PTPRN2: variants seen among roughly 807,000 people sequenced by gnomAD.
PTPRN2 encodes the protein receptor-type tyrosine-protein phosphatase N2.
A neutral mutation model predicts 118.8 loss-of-function variants in PTPRN2; 74 were observed. The observed-to-expected ratio is 0.62, with a 90% CI of 0.52 to 0.76. The LOEUF (loss-of-function observed/expected upper bound fraction) is 0.76, where lower values mean the gene tolerates loss of function less well. PTPRN2 is among the 30% of genes least tolerant of loss of function. PTPRN2 has a pLI of 0.00. For missense variants in PTPRN2, 1,481 were observed against 1,394.4 expected (o/e 1.06, Z -0.99); for synonymous variants, 641 against 608.0 (o/e 1.05, Z -0.80).
At position 158,317,524 on chromosome 7, in the gene PTPRN2, T is replaced by G. The variant is rs570846367; in HGVS notation, c.164-592A>C. Among the ~76,000 whole-genome samples the G allele has an allele frequency of 6.8e-4, 104 of 152,370 alleles. No individual in the cohort carries two copies. In the South Asian group the frequency reaches 9.1e-3, roughly 13 times the overall value. Reference sequence around the variant, plus strand: ...TCCATTTGTCTGAAATGGCAGACTCTGCTCATCAACATCCTTTCCAACCAC... The same window carrying G: ...TCCATTTGTCTGAAATGGCAGACTCGGCTCATCAACATCCTTTCCAACCAC... On this transcript the variant is annotated intron_variant, in intron 2 of 22. Transcript: ENST00000389418.
intron 2 of PTPRN2, among the ~76,000 whole-genome samples, chr7:158,341,417 T>A (rs1385324512): frequency 6.9e-6 from 1 of 145,888 alleles, no homozygotes; most frequent in African/African-American, 2.6e-5. Flanking sequence ...CCCGCAGAGG[T>A]CACTCACACC....
chr7:158,169,033 C>T (rs1485912342), intron 5 of PTPRN2, among the ~76,000 whole-genome samples: 1 of 152,174 alleles, frequency 6.6e-6, no homozygotes, highest in Non-Finnish European at 1.5e-5. Context: ...CTACTTGCAC[C>T]TCCTTGGGGC....
At chr7:157,836,922 C>T (rs1360192890) in intron 12 of PTPRN2, among the ~76,000 whole-genome samples, 1 of 151,484 alleles carries the variant, frequency 6.6e-6, no homozygotes, top group Admixed American at 6.6e-5. Flanking sequence ...ACCCTGCACT[C>T]ACCACCACCT....
rs756980461 is a variant in PTPRN2 at position 158,316,848 on chromosome 7, C to T, written c.248G>A (p.Arg83His). The change falls in exon 3 of 23, where the codon CGC becomes CAC. Residue 83 changes from arginine (R) to histidine (H), a missense_variant. By Grantham distance (29) the Arg-to-His change is conservative. Transcript: ENST00000389418. ...GCCGGAAAGCTTCTGCAACGCCACG[C>T]GCAGGCGCTGCAGGGCCACGGGCGA... ...EVSPVALQRL[R>H]VALQKLSGTG... 33 of 1,609,002 alleles carry T rather than the reference C, an allele frequency of 2.1e-5. No homozygotes were observed. In the Middle Eastern group the frequency reaches 4.9e-4, roughly 24 times the overall value.
intron 1 of PTPRN2, among the ~76,000 whole-genome samples, chr7:158,492,596 T>C (rs1029713884): frequency 2.6e-5 from 4 of 152,182 alleles, no homozygotes; most frequent in African/African-American, 9.7e-5. Context: ...CAGCACTCCT[T>C]GGTGAGAGGC....
At chr7:157,735,806 G>A (rs1563054703) in intron 12 of PTPRN2, among the ~76,000 whole-genome samples, 1 of 152,174 alleles carries the variant, frequency 6.6e-6, no homozygotes, top group Non-Finnish European at 1.5e-5. Context: ...CCTCCTGGCA[G>A]GCAGTGGCTG....
chr7:158,356,206 A>G (rs1442992854), intron 2 of PTPRN2, among the ~76,000 whole-genome samples: 1 of 152,224 alleles, frequency 6.6e-6, no homozygotes, highest in African/African-American at 2.4e-5. Context: ...GCTGGTCATC[A>G]CTGTTGACAA....
At chr7:157,756,530 C>A (rs751630267) in intron 12 of PTPRN2, among the ~76,000 whole-genome samples, 2 of 152,138 alleles carry the variant, frequency 1.3e-5, no homozygotes, top group Non-Finnish European at 2.9e-5. Flanking sequence ...CCCACCTCAG[C>A]CTCCCAAAGT....
intron 11 of PTPRN2, among the ~76,000 whole-genome samples, chr7:157,921,740 C>T (rs1287877342): frequency 6.6e-6 from 1 of 152,226 alleles, no homozygotes; most frequent in Non-Finnish European, 1.5e-5. Context: ...GCCATGCCCT[C>T]GGACTTCCCA....
intron 12 of PTPRN2, among the ~76,000 whole-genome samples, chr7:157,710,226 G>C (rs1798534698): frequency 6.6e-6 from 1 of 152,160 alleles, no homozygotes. Flanking sequence ...CCTTGGACGA[G>C]GCTTTCTGGA....
chr7:157,953,906 C>A lies in PTPRN2; in HGVS notation c.1724-55169G>T, dbSNP rs1800992499. On this transcript the variant is annotated intron_variant, in intron 11 of 22. Coordinates refer to ENST00000389418, the MANE Select transcript of PTPRN2 (RefSeq NM_002847.5). The surrounding 1 kb of genome is among the most constrained non-coding windows in gnomAD (Gnocchi z 4.6). ...TTTAAATATTCTCTCCTTTCCCTCA[C>A]CATGGAATGCACAAACGCTTGAAGA... 6.6e-6 allele frequency among the ~76,000 whole-genome samples: 1 copy of A among 152,194 alleles called. No individual in the cohort carries two copies.
chr7:158,469,920 A>G (rs1348622550), intron 2 of PTPRN2, among the ~76,000 whole-genome samples: 2 of 152,156 alleles, frequency 1.3e-5, no homozygotes, highest in African/African-American at 2.4e-5. Flanking sequence ...ATTGCATCAT[A>G]ACGGGCTGTT....
intron 11 of PTPRN2, among the ~76,000 whole-genome samples, chr7:157,978,323 C>T (rs1366026273): frequency 2.0e-5 from 3 of 151,994 alleles, no homozygotes; most frequent in African/African-American, 4.8e-5. Flanking sequence ...TTATGCTGAC[C>T]GCATGTCTTT....
At chr7:157,555,411 C>T (rs552797531) in intron 21 of PTPRN2, among the ~76,000 whole-genome samples, 4 of 152,246 alleles carry the variant, frequency 2.6e-5, no homozygotes, top group South Asian at 4.1e-4. Flanking sequence ...AATATGCCAC[C>T]GGTGTCTCTT....
At position 158,368,576 on chromosome 7, in the gene PTPRN2, A is replaced by T. The variant is rs140577537; in HGVS notation, c.164-51644T>A. On this transcript the variant is annotated intron_variant, in intron 2 of 22. Coordinates refer to ENST00000389418, the MANE Select transcript of PTPRN2 (RefSeq NM_002847.5). ...TTAGTTCCTGGCCCGGCCCGCCCGC[A>T]CAGTAAATGAGAAATGACAGGTGTG... 6.5e-3 allele frequency among the ~76,000 whole-genome samples: 983 copies of T among 152,250 alleles called. 11 individuals are homozygous for T. The highest frequency in any genetic ancestry group is 7.6e-3 in the Non-Finnish European group (516 of 68,018).
intron 2 of PTPRN2, among the ~76,000 whole-genome samples, chr7:158,340,978 C>A (rs149274441): frequency 5.3e-5 from 4 of 74,874 alleles, no homozygotes; most frequent in Admixed American, 1.4e-4. Flanking sequence ...ATGTCACTCA[C>A]ACCCACACTC....
At chr7:158,191,907 CTGG>C (rs972919719) in intron 5 of PTPRN2, among the ~76,000 whole-genome samples, 1 of 152,146 alleles carries the variant, frequency 6.6e-6, no homozygotes, top group African/African-American at 2.4e-5. Context: ...GTAGTTGCAC[CTGG>C]TGCCCCCTAA....
chr7:158,104,976 T>C (rs1815554413), intron 10 of PTPRN2, among the ~76,000 whole-genome samples: 2 of 129,296 alleles, frequency 1.5e-5, no homozygotes, highest in African/African-American at 6.1e-5. Context: ...CCATCAGAAC[T>C]CCACTCAGCT....
intron 12 of PTPRN2, among the ~76,000 whole-genome samples, chr7:157,698,178 C>G (rs1385987306): frequency 6.6e-6 from 1 of 152,212 alleles, no homozygotes; most frequent in African/African-American, 2.4e-5. Flanking sequence ...GCTATAAAAT[C>G]AATGCCCTTA....
Sources: allele counts gnomAD v4.1 joint callset (sites outside exome capture counted in the v4.1 genomes callset), GRCh38; gene constraint gnomAD v4.1.1; non-coding constraint Gnocchi (gnomAD v3.1); transcripts MANE v1.5; gene names NCBI Gene and HGNC (gene_info 2026-07-23, HGNC 2026-07-21).